The following CSMD1 variants were observed in gnomAD, a reference collection of about 807,000 sequenced individuals.
The protein encoded by CSMD1 is CUB and sushi domain-containing protein 1.
In CSMD1, 213 loss-of-function variants were observed where a neutral mutation model predicts 417.5. The observed-to-expected ratio is 0.51, with a 90% confidence interval of 0.46 to 0.57. The LOEUF (loss-of-function observed/expected upper bound fraction) is 0.57, where lower values mean the gene tolerates loss of function less well. Among genes scored for constraint, CSMD1 ranks in the 20% least tolerant of loss-of-function variants. The pLI, the probability that CSMD1 is intolerant of heterozygous loss-of-function variation, is 0.00. For missense variants in CSMD1, 6,923 were observed against 4,529.7 expected, an observed-to-expected ratio of 1.53 and a Z score of -15.17; for synonymous variants, 2,862 against 1,736.8, an observed-to-expected ratio of 1.65 and a Z score of -16.11.
At position 4,753,787 on chromosome 8, in the gene CSMD1, C is replaced by A. The variant is rs1035043756; in HGVS notation, c.86-116229G>T. Among the ~76,000 whole-genome samples the A allele has an allele frequency of 5.3e-5, 8 of 152,346 alleles. No individual in the cohort carries two copies. In the South Asian group the frequency reaches 1.2e-3, roughly 24 times the overall value. On this transcript the variant is annotated intron_variant, in intron 1 of 69. Coordinates refer to ENST00000635120, the MANE Select transcript of CSMD1 (RefSeq NM_033225.6). The stretch of plus-strand genomic sequence containing the variant: ...GGAACATTCCCTTTCCTCCCCACCA[C>A]TGCCTCCTCCTTTACTCCATCGCAC...
Position 3,519,099 on chromosome 8 carries a change from C to A in CSMD1, c.1345-25373G>T, listed in dbSNP as rs191607515. The stretch of plus-strand genomic sequence containing the variant: ...GAATTTGACTTTTGTGCCTCACTGT[C>A]CCCTGTGCAAATATTTGGGTACTGC... On this transcript the variant is annotated intron_variant, in intron 10 of 69. Coordinates refer to ENST00000635120, the MANE Select transcript of CSMD1 (RefSeq NM_033225.6). Among the ~76,000 whole-genome samples the A allele has an allele frequency of 1.5e-3, 231 of 152,284 alleles. 1 individual carries two copies. Among genetic ancestry groups the A allele is most frequent in the South Asian group, 8.3e-3 (40 of 4,828 alleles).
At chr8:3,411,412 C>A (rs527362336) in intron 12 of CSMD1, among the ~76,000 whole-genome samples, 6 of 151,940 alleles carry the variant, frequency 3.9e-5, no homozygotes, top group Middle Eastern at 3.4e-3. Flanking sequence ...GTATATGCTG[C>A]GTTCATTTTG....
At chr8:4,355,569 A>C (rs1242868217) in intron 3 of CSMD1, among the ~76,000 whole-genome samples, 1 of 152,228 alleles carries the variant, frequency 6.6e-6, no homozygotes, top group Non-Finnish European at 1.5e-5. Flanking sequence ...CAACTGCAAC[A>C]AAACTTGGTG....
chr8:3,044,584 T>A (rs990792710), intron 50 of CSMD1, among the ~76,000 whole-genome samples: 34 of 152,110 alleles, frequency 2.2e-4, no homozygotes, highest in South Asian at 8.3e-4. Flanking sequence ...GTCATTAGCA[T>A]GAATCGTGTC....
At position 4,836,974 on chromosome 8, in the gene CSMD1, C is replaced by T. The variant is rs187491456; in HGVS notation, c.85+157358G>A. On this transcript the variant is annotated intron_variant, in intron 1 of 69. Transcript: ENST00000635120. ...AAAGGAAACTCTGTAGAACAGATGG[C>T]CTTTTTTTGTTGTTAAGAGACCACC... Among the ~76,000 whole-genome samples the T allele has an allele frequency of 2.0e-5, 3 of 152,058 alleles. No homozygotes were observed. The East Asian group carries it at 5.8e-4, about 29-fold the overall frequency.
chr8:4,209,407 T>C (rs1800170075), intron 3 of CSMD1, among the ~76,000 whole-genome samples: 3 of 152,150 alleles, frequency 2.0e-5, no homozygotes, highest in African/African-American at 4.8e-5. Flanking sequence ...CCAGGGTTCC[T>C]GTGGAATTGT....
intron 7 of CSMD1, among the ~76,000 whole-genome samples, chr8:3,625,583 T>A (rs60411133): frequency 1.3e-5 from 2 of 152,204 alleles, no homozygotes; most frequent in African/African-American, 4.8e-5. Flanking sequence ...TTTTAGTTTA[T>A]AGTAATTTAT....
intron 3 of CSMD1, among the ~76,000 whole-genome samples, chr8:4,272,538 A>G (rs908928402): frequency 3.3e-5 from 5 of 152,174 alleles, no homozygotes; most frequent in Admixed American, 2.6e-4. Flanking sequence ...ATAACAAGTG[A>G]TTTGCTTCAA....
At chr8:3,006,504 A>G (rs181345829) in intron 52 of CSMD1, among the ~76,000 whole-genome samples, 13,392 of 152,108 alleles carry the variant, frequency 0.088, 732 homozygotes, top group East Asian at 0.14. Flanking sequence ...GAGGTATCAC[A>G]CTACCTGACT....
At chr8:4,436,153 T>A (rs996301153) in intron 2 of CSMD1, among the ~76,000 whole-genome samples, 1 of 152,160 alleles carries the variant, frequency 6.6e-6, no homozygotes, top group African/African-American at 2.4e-5. Flanking sequence ...TCATAGATAT[T>A]GAGAGAGTTA....
rs555145501 is a variant in CSMD1 at position 4,627,904 on chromosome 8, T to G, written c.302+9438A>C. On this transcript the variant is annotated intron_variant, in intron 2 of 69. Coordinates refer to ENST00000635120, the MANE Select transcript of CSMD1 (RefSeq NM_033225.6). ...GTATGGCAGACACTTCTTTGTCATG[T>G]GAGATATCCTGTCCACTGCAGGACG... Among the ~76,000 whole-genome samples the G allele has an allele frequency of 1.6e-3, 237 of 152,240 alleles. 1 individual carries two copies. The highest frequency in any genetic ancestry group is 7.6e-4 in the Non-Finnish European group (52 of 68,012).
chr8:4,341,799 T>G (rs1249309905), intron 3 of CSMD1, among the ~76,000 whole-genome samples: 6 of 152,232 alleles, frequency 3.9e-5, no homozygotes, highest in Non-Finnish European at 2.9e-5. Flanking sequence ...GCCCATTAAT[T>G]TGTTCACATG....
intron 1 of CSMD1, among the ~76,000 whole-genome samples, chr8:4,927,283 C>G (rs1397337358): frequency 6.6e-6 from 1 of 151,904 alleles, no homozygotes; most frequent in Non-Finnish European, 1.5e-5. Context: ...GTCTCGAACT[C>G]CCGTCCTCAA....
intron 1 of CSMD1, among the ~76,000 whole-genome samples, chr8:4,974,267 C>A (rs1040700357): frequency 6.6e-6 from 1 of 151,722 alleles, no homozygotes; most frequent in African/African-American, 2.4e-5. Context: ...CTCATGTGAT[C>A]CACCTGTCTC....
chr8:4,116,549 C>A (rs1299926067), intron 3 of CSMD1, among the ~76,000 whole-genome samples: 1 of 74,894 alleles, frequency 1.3e-5, no homozygotes, highest in African/African-American at 5.6e-5. Flanking sequence ...AACAAACGCG[C>A]CATGAATGAA....
At chr8:3,696,168 G>C (rs920501427) in intron 7 of CSMD1, among the ~76,000 whole-genome samples, 1 of 152,098 alleles carries the variant, frequency 6.6e-6, no homozygotes. Flanking sequence ...ATCTTCTTCG[G>C]ATGTCACATG....
At chr8:4,434,457 A>G (rs1050679289) in intron 2 of CSMD1, among the ~76,000 whole-genome samples, 5 of 152,188 alleles carry the variant, frequency 3.3e-5, no homozygotes, top group African/African-American at 7.2e-5. Flanking sequence ...GACCCATCCT[A>G]TGAAGTCCCC....
At chr8:3,163,517 C>T (rs1389517934) in intron 37 of CSMD1, among the ~76,000 whole-genome samples, 4 of 151,934 alleles carry the variant, frequency 2.6e-5, no homozygotes, top group East Asian at 3.9e-4. Context: ...GCCCATGGGC[C>T]GGTCCCCACG....
In CSMD1 at chr8:4,625,312, A is replaced by G. The variant is rs772186210; in HGVS notation, c.302+12030T>C. Among the ~76,000 whole-genome samples the G allele has an allele frequency of 7.0e-4, 107 of 152,172 alleles. 1 individual carries two copies. The highest frequency in any genetic ancestry group is 1.4e-3 in the Non-Finnish European group (96 of 68,010). On this transcript the variant is annotated intron_variant, in intron 2 of 69. Coordinates refer to ENST00000635120, the MANE Select transcript of CSMD1 (RefSeq NM_033225.6). ...CTGAAAAGAGTGATGGAAGTTGAGG[A>G]TGTCTTAAAAAGTCTCAATAGAGGG...
Sources: gnomAD v4.1 joint callset for allele counts (sites outside exome capture counted in the v4.1 genomes callset) on GRCh38, gnomAD v4.1.1 for gene constraint, MANE v1.5 for transcripts, NCBI Gene and HGNC (gene_info 2026-07-23, HGNC 2026-07-21) for gene names.